Variants in GAREM1 observed in about 807,000 individuals in gnomAD.
GAREM1 encodes the protein GRB2-associated and regulator of MAPK protein 1.
A neutral mutation model predicts 71.3 loss-of-function variants in GAREM1; 26 were observed. That is an observed-to-expected ratio of 0.36 (90% CI 0.27 to 0.51). The LOEUF (loss-of-function observed/expected upper bound fraction) is 0.51. Ranked by LOEUF, GAREM1 falls within the 20% of genes least tolerant of loss-of-function variation. The probability of loss-of-function intolerance (pLI) is 0.95; values close to 1 mark genes in which losing one functional copy is unlikely to be tolerated. For missense variants in GAREM1, 1,026 were observed against 1,103.1 expected, an observed-to-expected ratio of 0.93 and a Z score of 0.99; for synonymous variants, 440 against 433.2, an observed-to-expected ratio of 1.02 and a Z score of -0.20.
intron 2 of GAREM1, among the ~76,000 whole-genome samples, chr18:32,358,363 A>C (rs2047826683): frequency 6.6e-6 from 1 of 151,822 alleles, no homozygotes; most frequent in African/African-American, 2.4e-5. Context: ...AGGTTGTCAA[A>C]AGGGGCCAGA....
At chr18:32,343,375 C>T (rs1208861388) in intron 2 of GAREM1, among the ~76,000 whole-genome samples, 1 of 139,252 alleles carries the variant, frequency 7.2e-6, no homozygotes, top group African/African-American at 2.8e-5. Context: ...GGTGCAGTGG[C>T]GCGATCTCAG....
intron 4 of GAREM1, among the ~76,000 whole-genome samples, chr18:32,286,699 C>T (rs1486063410): frequency 6.6e-6 from 1 of 152,176 alleles, no homozygotes; most frequent in African/African-American, 2.4e-5. Context: ...TAGGGCCTTA[C>T]CACCTCGCAC....
Position 32,268,326 on chromosome 18 carries a change from G to A in GAREM1, c.2176C>T (p.Pro726Ser), listed in dbSNP as rs774761265. The A allele has an allele frequency of 1.9e-6, 3 of 1,614,114 alleles. No individual in the cohort carries two copies. Among genetic ancestry groups the A allele is most frequent in the Admixed American group, 1.7e-5 (1 of 60,018 alleles). ...TCCACTAGTTTTGGAGCCCTGGGGG[G>A]TAAGGCAGGGCATGACGTACTCTGC... Reference protein sequence around the residue: ...TKQSTSCPALPPRAPKLVEEK... With the variant: ...TKQSTSCPALSPRAPKLVEEK... Residue 726 changes from proline (P) to serine (S), a missense_variant, in exon 6 of 6, where the codon CCC becomes TCC. Transcript: ENST00000269209.
At chr18:32,310,551 G>C (rs629116) in intron 2 of GAREM1, among the ~76,000 whole-genome samples, 28,086 of 152,054 alleles carry the variant, frequency 0.18, 3,053 homozygotes, top group African/African-American at 0.3. Flanking sequence ...TGTTTACATT[G>C]AGAGTTTATT....
intron 1 of GAREM1, among the ~76,000 whole-genome samples, chr18:32,454,526 AT>A (rs2048869752): frequency 6.6e-6 from 1 of 152,344 alleles, no homozygotes; most frequent in South Asian, 2.1e-4. Context: ...CAAAATTTTA[AT>A]GCTGAATTGG....
intron 2 of GAREM1, among the ~76,000 whole-genome samples, chr18:32,376,850 A>G (rs1034767405): frequency 6.6e-6 from 1 of 152,190 alleles, no homozygotes; most frequent in Non-Finnish European, 1.5e-5. Context: ...AATAAATAAA[A>G]AAACAAATCA....
chr18:32,397,020 G>T (rs568589362), intron 1 of GAREM1, among the ~76,000 whole-genome samples: 1 of 152,136 alleles, frequency 6.6e-6, no homozygotes, highest in African/African-American at 2.4e-5. Context: ...TTAAAGAAAA[G>T]AATTTTCAAC....
chr18:32,375,081 T>C (rs2048019959), intron 2 of GAREM1, among the ~76,000 whole-genome samples: 1 of 152,212 alleles, frequency 6.6e-6, no homozygotes, highest in South Asian at 2.1e-4. Flanking sequence ...AAATTATATA[T>C]ACACACTAAA....
chr18:32,339,355 G>A (rs2047627651), intron 2 of GAREM1, among the ~76,000 whole-genome samples: 1 of 152,180 alleles, frequency 6.6e-6, no homozygotes, highest in Non-Finnish European at 1.5e-5. Flanking sequence ...ACGACTATGT[G>A]AAAACACTGT....
intron 2 of GAREM1, among the ~76,000 whole-genome samples, chr18:32,339,790 G>A (rs1460102847): frequency 2.6e-5 from 4 of 152,166 alleles, no homozygotes; most frequent in African/African-American, 4.8e-5. Flanking sequence ...AACCGGGAAC[G>A]CGGAAGTCAT....
intron 2 of GAREM1, among the ~76,000 whole-genome samples, chr18:32,311,133 T>A (rs1326422861): frequency 6.6e-6 from 1 of 152,232 alleles, no homozygotes; most frequent in Non-Finnish European, 1.5e-5. Context: ...GTTGTTTACA[T>A]TTTCAGTATC....
chr18:32,344,534 GTAAC>G (rs1170511301), intron 2 of GAREM1, among the ~76,000 whole-genome samples: 2 of 152,018 alleles, frequency 1.3e-5, no homozygotes, highest in African/African-American at 4.8e-5. Context: ...TGGGAAAAAA[GTAAC>G]TGCTCACTAT....
intron 2 of GAREM1, among the ~76,000 whole-genome samples, chr18:32,322,585 A>T (rs1370857821): frequency 6.6e-6 from 1 of 152,146 alleles, no homozygotes; most frequent in Admixed American, 6.5e-5. Flanking sequence ...TATTGTCCTT[A>T]TTTGTTTTCT....
At chr18:32,438,521 G>T (rs551692961) in intron 1 of GAREM1, among the ~76,000 whole-genome samples, 1 of 152,330 alleles carries the variant, frequency 6.6e-6, no homozygotes, top group African/African-American at 2.4e-5. Context: ...GAGGACAGGG[G>T]TTAGCGACAA....
At chr18:32,386,615 C>T (rs2048149214) in intron 2 of GAREM1, among the ~76,000 whole-genome samples, 1 of 152,088 alleles carries the variant, frequency 6.6e-6, no homozygotes, top group Non-Finnish European at 1.5e-5. Flanking sequence ...TCTGTTCATC[C>T]ATGATGACAG....
intron 1 of GAREM1, among the ~76,000 whole-genome samples, chr18:32,409,218 T>C (rs568069411): frequency 3.6e-4 from 55 of 152,326 alleles, no homozygotes; most frequent in African/African-American, 1.2e-3. Context: ...CAAGTAAGTC[T>C]AAATATAAAT....
chr18:32,313,899 G>A (rs2047350046), intron 2 of GAREM1, among the ~76,000 whole-genome samples: 1 of 152,070 alleles, frequency 6.6e-6, no homozygotes, highest in Non-Finnish European at 1.5e-5. Context: ...AGGATATAGA[G>A]GTTTTGCTGG....
At chr18:32,270,024 T>A (rs1053582985) in intron 5 of GAREM1, among the ~76,000 whole-genome samples, 193 bp downstream of exon 5, 1 of 152,128 alleles carries the variant, frequency 6.6e-6, no homozygotes, top group Non-Finnish European at 1.5e-5. Flanking sequence ...CCCAAGACAT[T>A]GGCTCTTCCA....
intron 1 of GAREM1, among the ~76,000 whole-genome samples, chr18:32,401,150 G>C (rs567996216): frequency 2.5e-4 from 38 of 152,158 alleles, no homozygotes; most frequent in Admixed American, 7.2e-4. Flanking sequence ...ACAGCAAGGG[G>C]AACATCACAC....
Sources: gnomAD v4.1 joint callset for allele counts (sites outside exome capture counted in the v4.1 genomes callset) on GRCh38, gnomAD v4.1.1 for gene constraint, MANE v1.5 for transcripts, NCBI Gene and HGNC (gene_info 2026-07-23, HGNC 2026-07-21) for gene names.